Variants in RANBP2 observed in about 807,000 individuals in gnomAD.
RANBP2 encodes the protein E3 SUMO-protein ligase RanBP2.
A neutral mutation model predicts 303.6 loss-of-function variants in RANBP2; 57 were observed. That is an observed-to-expected ratio of 0.19 (90% CI 0.15 to 0.23). The LOEUF is 0.23. RANBP2 is among the 10% of genes least tolerant of loss of function. RANBP2 has a pLI of 1.00. For synonymous variants in RANBP2, 1,167 were observed against 1,301.5 expected (o/e 0.90, Z 2.23); for missense variants, 3,138 against 3,780.8 (o/e 0.83, Z 4.46).
chr2:109,249,478 T>G, the RANBP2 span, among the ~76,000 whole-genome samples: 28 of 18,748 alleles, frequency 1.5e-3, no homozygotes, highest in African/African-American at 0.011. Flanking sequence ...TCTTTCTTTC[T>G]TTCTTTCTTT....
the RANBP2 span, among the ~76,000 whole-genome samples, chr2:108,969,213 CTTTT>C: frequency 1.4e-5 from 2 of 148,126 alleles, no homozygotes; most frequent in Non-Finnish European, 3.0e-5. Flanking sequence ...TGACAACCTT[CTTTT>C]TTTTTTTCCT....
At chr2:109,289,397 C>A in the RANBP2 span, among the ~76,000 whole-genome samples, 2,706 of 152,288 alleles carry the variant, frequency 0.018, 65 homozygotes, top group African/African-American at 0.062. Context: ...GGGTACTCTT[C>A]TGCACACAAA....
At chr2:109,362,837 A>G in the RANBP2 span, among the ~76,000 whole-genome samples, 1 of 152,118 alleles carries the variant, frequency 6.6e-6, no homozygotes, top group South Asian at 2.1e-4. Flanking sequence ...ATTTATTCTG[A>G]TAACTTTTCT....
At position 108,763,759 on chromosome 2, in the gene RANBP2, A is replaced by G. The variant is rs372948464; in HGVS notation, c.3220A>G (p.Lys1074Glu). The G allele has an allele frequency of 1.2e-6, 2 of 1,613,934 alleles. No individual in the cohort carries two copies. The highest frequency in any genetic ancestry group is 1.7e-6 in the Non-Finnish European group (2 of 1,179,960). The change falls in exon 20 of 29, where the codon AAA (lysine) becomes GAA (glutamate). Residue 1074 changes from lysine (K) to glutamate (E), a missense_variant. Transcript: ENST00000283195. ...ESLLGLLTSD[K>E]PLQGDGYSGA... ...CCTTTTAGGTCTCCTGACTTCAGAT[A>G]AACCCTTGCAAGGAGATGGCTATAG...
the RANBP2 span, among the ~76,000 whole-genome samples, chr2:109,730,776 CTTTTTTTTTTTTTTTTTT>C: frequency 2.5e-5 from 2 of 79,410 alleles, no homozygotes; most frequent in East Asian, 5.0e-4. Flanking sequence ...CTCTCTCTCT[CTTTTTTTTTTTTTTTTTT>C]TTTTTTTTTT....
At chr2:109,191,326 G>C in the RANBP2 span, among the ~76,000 whole-genome samples, 370 of 152,322 alleles carry the variant, frequency 2.4e-3, 3 homozygotes, top group South Asian at 0.02. Context: ...GAATCATTAG[G>C]AGCTCCGTGA....
the RANBP2 span, among the ~76,000 whole-genome samples, chr2:109,312,317 T>A: frequency 6.6e-6 from 1 of 152,208 alleles, no homozygotes; most frequent in Non-Finnish European, 1.5e-5. Context: ...GTTGGCTTGC[T>A]CCTCTTTCTA....
At chr2:109,586,017 T>C in the RANBP2 span, among the ~76,000 whole-genome samples, 3 of 152,154 alleles carry the variant, frequency 2.0e-5, no homozygotes, top group Non-Finnish European at 4.4e-5. Flanking sequence ...TGTGTCCAGA[T>C]CCTCAAAACA....
the RANBP2 span, among the ~76,000 whole-genome samples, chr2:109,203,220 G>A: frequency 6.6e-6 from 1 of 152,176 alleles, no homozygotes; most frequent in African/African-American, 2.4e-5. Context: ...AGAGAGCCAG[G>A]AGCCTCTTCA....
At chr2:109,116,563 G>T in the RANBP2 span, among the ~76,000 whole-genome samples, 56 of 152,182 alleles carry the variant, frequency 3.7e-4, no homozygotes, top group African/African-American at 1.3e-3. Flanking sequence ...CAACTTCTTT[G>T]CCTTTGGTTT....
At chr2:109,168,935 C>G in the RANBP2 span, among the ~76,000 whole-genome samples, 2 of 152,228 alleles carry the variant, frequency 1.3e-5, no homozygotes, top group African/African-American at 4.8e-5. Flanking sequence ...CTGATTTCAT[C>G]ATCTTCTCGA....
chr2:108,817,819 A>G, the RANBP2 span, among the ~76,000 whole-genome samples: 50 of 152,260 alleles, frequency 3.3e-4, no homozygotes, highest in African/African-American at 1.2e-3. Context: ...TAAAATAATG[A>G]ATTTGTGTTG....
chr2:108,828,461 T>G, the RANBP2 span, among the ~76,000 whole-genome samples: 2 of 152,180 alleles, frequency 1.3e-5, no homozygotes, highest in African/African-American at 4.8e-5. Flanking sequence ...CAAAACTTAG[T>G]ACAAAGCTAT....
At chr2:109,614,641 G>T in the RANBP2 span, 2 of 1,467,322 alleles carry the variant, frequency 1.4e-6, no homozygotes, top group African/African-American at 1.5e-5. Flanking sequence ...CAGCGCGCCC[G>T]CGCCCGCGCG....
the RANBP2 span, chr2:108,885,600 T>C: frequency 6.6e-6 from 1 of 152,268 alleles, no homozygotes; most frequent in Non-Finnish European, 1.5e-5. Flanking sequence ...GTGTATAATG[T>C]GTGGTGATCA....
At chr2:109,245,220 T>C in the RANBP2 span, among the ~76,000 whole-genome samples, 1 of 152,120 alleles carries the variant, frequency 6.6e-6, no homozygotes, top group Non-Finnish European at 1.5e-5. Context: ...CCTGTCTCTC[T>C]AGGGTCATCT....
At position 108,767,502 on chromosome 2, in the gene RANBP2, A is replaced by G; in HGVS notation, c.6963A>G (p.Glu2321=). ...TTGTTCCTTTACCTGATCTAGTTGA[A>G]GTATCCAGTGGTGAGGAAAATGAAC... ...EPVVPLPDLV[E]VSSGEENEQV... Residue 2321 remains glutamate, a synonymous_variant, in exon 20 of 29, where the codon GAA becomes GAG. Transcript: ENST00000283195. 7 of 1,611,978 alleles carry G rather than the reference A, an allele frequency of 4.3e-6. No homozygotes were observed. The highest frequency in any genetic ancestry group is 5.9e-6 in the Non-Finnish European group (7 of 1,179,846).
At chr2:109,744,411 T>A in the RANBP2 span, among the ~76,000 whole-genome samples, 1 of 99,602 alleles carries the variant, frequency 1.0e-5, no homozygotes, top group East Asian at 2.7e-4. Flanking sequence ...GGCACTTATA[T>A]GTTTTCTTTT....
chr2:109,217,216 T>C, the RANBP2 span, among the ~76,000 whole-genome samples: 1 of 152,260 alleles, frequency 6.6e-6, no homozygotes, highest in African/African-American at 2.4e-5. Context: ...GACAATATTC[T>C]GGGAGCAATC....
Sources: allele counts gnomAD v4.1 joint callset (sites outside exome capture counted in the v4.1 genomes callset), GRCh38; gene constraint gnomAD v4.1.1; transcripts MANE v1.5; gene names NCBI Gene and HGNC (gene_info 2026-07-23, HGNC 2026-07-21).